The following CISD2 variants were observed in gnomAD, a reference collection of about 807,000 sequenced individuals.
The protein encoded by CISD2 is CDGSH iron-sulfur domain-containing protein 2.
In CISD2, 1 loss-of-function variant was observed where a neutral mutation model predicts 12.9. The ratio of observed to expected loss-of-function variants is 0.08; its 90% CI spans 0.03 to 0.37. The LOEUF (loss-of-function observed/expected upper bound fraction) is 0.37, where lower values mean the gene tolerates loss of function less well. Ranked by LOEUF, CISD2 falls within the 10% of genes least tolerant of loss-of-function variation. CISD2 has a pLI of 0.99. For missense variants in CISD2, 97 were observed against 163.1 expected (o/e 0.59, Z 2.21); for synonymous variants, 50 against 60.6 (o/e 0.83, Z 0.81).
At chr4:102,870,236 A>G (rs1453085025) in intron 1 of CISD2, among the ~76,000 whole-genome samples, 1 of 152,240 alleles carries the variant, frequency 6.6e-6, no homozygotes, top group Non-Finnish European at 1.5e-5. Context: ...TGTGTAGACT[A>G]AAATATAGAA....
chr4:102,875,321 G>T (rs200587875), intron 1 of CISD2, among the ~76,000 whole-genome samples: 5 of 152,136 alleles, frequency 3.3e-5, no homozygotes, highest in African/African-American at 1.2e-4. Context: ...GTACCTCTGC[G>T]TTGCTTCTGT....
intron 2 of CISD2, among the ~76,000 whole-genome samples, chr4:102,887,052 G>A (rs1208095699): frequency 1.3e-5 from 2 of 152,146 alleles, no homozygotes; most frequent in African/African-American, 2.4e-5. Flanking sequence ...CTCCACAAAT[G>A]ACCAAGAACT....
intron 1 of CISD2, among the ~76,000 whole-genome samples, chr4:102,879,017 C>A (rs1305004489): frequency 2.0e-5 from 3 of 152,066 alleles, no homozygotes; most frequent in Admixed American, 1.3e-4. Flanking sequence ...GAAGGGGCAC[C>A]TTTTTCACGA....
At chr4:102,875,611 T>C (rs1413793131) in intron 1 of CISD2, among the ~76,000 whole-genome samples, 1 of 152,250 alleles carries the variant, frequency 6.6e-6, no homozygotes, top group South Asian at 2.1e-4. Context: ...GTAGGAATTA[T>C]CTCAAATGCC....
At chr4:102,882,558 A>G (rs1432765113) in intron 1 of CISD2, among the ~76,000 whole-genome samples, 1 of 152,236 alleles carries the variant, frequency 6.6e-6, no homozygotes, top group Non-Finnish European at 1.5e-5. Flanking sequence ...CCAATGATCT[A>G]TAGTAGCATT....
chr4:102,872,979 T>C (rs1733497025), intron 1 of CISD2, among the ~76,000 whole-genome samples: 1 of 152,184 alleles, frequency 6.6e-6, no homozygotes, highest in Non-Finnish European at 1.5e-5. Flanking sequence ...CGTACAATCA[T>C]GGCGGAAGGC....
At chr4:102,877,709 G>A (rs533929148) in intron 1 of CISD2, among the ~76,000 whole-genome samples, 13 of 152,332 alleles carry the variant, frequency 8.5e-5, no homozygotes, top group Admixed American at 3.9e-4. Flanking sequence ...GTAGACTTCT[G>A]CCTGGACATC....
At chr4:102,870,571 G>C (rs1052261057) in intron 1 of CISD2, among the ~76,000 whole-genome samples, 1 of 152,038 alleles carries the variant, frequency 6.6e-6, no homozygotes, top group Non-Finnish European at 1.5e-5. Flanking sequence ...CAATTGAATA[G>C]AAAGCATGGT....
In CISD2 at chr4:102,885,243, T is replaced by A. The variant is rs1733847726; in HGVS notation, c.131T>A (p.Phe44Tyr). 1 of 1,614,030 alleles carries A rather than the reference T, an allele frequency of 6.2e-7. No individual in the cohort carries two copies. The highest frequency in any genetic ancestry group is 8.5e-7 in the Non-Finnish European group (1 of 1,180,000). ...TCAGAATGGCTTCGGTTATTGCCTT[T>A]CCTTGGTGTACTCGCACTTCTTGGC... Reference protein sequence around the residue: ...TVSEWLRLLPFLGVLALLGYL... With the variant: ...TVSEWLRLLPYLGVLALLGYL... The change falls in exon 2 of 3, where the codon TTC (phenylalanine) becomes TAC (tyrosine). Residue 44 changes from phenylalanine (F) to tyrosine (Y), a missense_variant. Transcript: ENST00000273986.
chr4:102,869,286 G>C lies in CISD2; in HGVS notation c.103+99G>C, dbSNP rs1311855647. The C allele has an allele frequency of 3.4e-6, 5 of 1,478,640 alleles. No individual in the cohort carries two copies. In the Admixed American group the frequency reaches 9.8e-5, roughly 29 times the overall value. 91.6% of individuals were successfully genotyped at this position (1,478,640 alleles called of 1,614,324 possible). A position where few individuals can be genotyped will look rare whatever the true frequency, so the allele number is the denominator to read the frequency against. On this transcript the variant is annotated intron_variant, in intron 1 of 2. Transcript: ENST00000273986. ...GGGCCAAGGGGCGGGACGGAGCTCG[G>C]CGCCTGGCACGTGATCCCCGCGCGC... is the stretch of plus-strand genomic sequence containing the variant.
intron 1 of CISD2, among the ~76,000 whole-genome samples, chr4:102,877,948 CAA>C (rs1374889091): frequency 6.6e-6 from 1 of 152,204 alleles, no homozygotes; most frequent in Non-Finnish European, 1.5e-5. Context: ...GCCTGGCCCA[CAA>C]AACCATTTTT....
At chr4:102,872,784 T>C (rs1326549967) in intron 1 of CISD2, among the ~76,000 whole-genome samples, 2 of 152,230 alleles carry the variant, frequency 1.3e-5, no homozygotes, top group African/African-American at 4.8e-5. Flanking sequence ...CCTAATTTTG[T>C]TTCCCAAAGA....
In CISD2 at chr4:102,885,272, C is replaced by T; in HGVS notation, c.160C>T (p.Leu54Phe). Residue 54 changes from leucine (L) to phenylalanine (F), a missense_variant, in exon 2 of 3, where the codon CTT (leucine) becomes TTT (phenylalanine). By Grantham distance (22) the Leu-to-Phe change is conservative. Transcript: ENST00000273986. ...TGGTGTACTCGCACTTCTTGGCTAC[C>T]TTGCAGTTCGTCCATTCCTCCCGAA... ...FLGVLALLGY[L>F]AVRPFLPKKK... 6.2e-7 allele frequency: 1 copy of T among 1,614,120 alleles called. No individual in the cohort carries two copies. The highest frequency in any genetic ancestry group is 8.5e-7 in the Non-Finnish European group (1 of 1,179,998).
intron 1 of CISD2, among the ~76,000 whole-genome samples, chr4:102,876,526 G>A (rs992782156): frequency 6.6e-5 from 10 of 152,192 alleles, no homozygotes; most frequent in African/African-American, 2.4e-4. Context: ...AAGGTGGGCA[G>A]ATCATGAGGT....
rs1733333017 is a variant in CISD2, at chr4:102,869,012, G to C, written c.-73G>C. ...CCGCCAGTGCCCGCCGGCCGCTTCCGCTCCCGGCGCAGGCGCGGCAGCTTG... is the reference window on the plus strand; with the variant it reads ...CCGCCAGTGCCCGCCGGCCGCTTCCCCTCCCGGCGCAGGCGCGGCAGCTTG... On this transcript the variant is annotated 5_prime_UTR_variant, in exon 1 of 3. Transcript: ENST00000273986. The C allele has an allele frequency of 2.7e-6, 4 of 1,470,242 alleles. No homozygotes were observed. The Admixed American group carries it at 9.2e-5, about 34-fold the overall frequency. The allele number at this position is 1,470,242 out of a possible 1,614,324, so 91.1% of individuals were successfully genotyped here.
intron 1 of CISD2, among the ~76,000 whole-genome samples, chr4:102,873,923 C>T (rs771099753): frequency 3.3e-5 from 5 of 151,668 alleles, no homozygotes; most frequent in Admixed American, 2.0e-4. Flanking sequence ...GTTGGGAGTA[C>T]GAAACTAGCC....
At chr4:102,870,184 T>TA (rs752725957) in intron 1 of CISD2, among the ~76,000 whole-genome samples, 7 of 152,224 alleles carry the variant, frequency 4.6e-5, no homozygotes, top group Non-Finnish European at 8.8e-5. Flanking sequence ...TGACCTAAAA[T>TA]ACAGCAATCG....
chr4:102,869,557 T>A, intron 1 of CISD2: 1 of 701,152 alleles, frequency 1.4e-6, no homozygotes, highest in Non-Finnish European at 2.6e-6. Context: ...CGTCGTTATC[T>A]AAGGCCTCAT....
At chr4:102,886,167 C>A (rs1733900150) in intron 2 of CISD2, among the ~76,000 whole-genome samples, 1 of 152,078 alleles carries the variant, frequency 6.6e-6, no homozygotes, top group African/African-American at 2.4e-5. Context: ...AAGCATATTA[C>A]AGTGTGATCC....
Sources: allele counts gnomAD v4.1 joint callset (sites outside exome capture counted in the v4.1 genomes callset), GRCh38; gene constraint gnomAD v4.1.1; transcripts MANE v1.5; gene names NCBI Gene and HGNC (gene_info 2026-07-23, HGNC 2026-07-21).